RANBP2: variants seen among roughly 807,000 people sequenced by gnomAD.
The protein encoded by RANBP2 is RAN binding protein 2, also known as E3 SUMO-protein ligase RanBP2.
A neutral mutation model predicts 303.6 loss-of-function variants in RANBP2; 57 were observed. That is an observed-to-expected ratio of 0.19 (90% CI 0.15 to 0.23). The LOEUF (loss-of-function observed/expected upper bound fraction) is 0.23, where lower values mean the gene tolerates loss of function less well. Among genes scored for constraint, RANBP2 ranks in the 10% least tolerant of loss-of-function variants. The pLI is 1.00. For missense variants in RANBP2, 3,138 were observed against 3,780.8 expected, an observed-to-expected ratio of 0.83 and a Z score of 4.46; for synonymous variants, 1,167 against 1,301.5, an observed-to-expected ratio of 0.90 and a Z score of 2.23.
chr2:109,031,940 G>A, the RANBP2 span, among the ~76,000 whole-genome samples: 268 of 117,724 alleles, frequency 2.3e-3, 2 homozygotes, highest in African/African-American at 9.0e-3. Flanking sequence ...CACTCTCTTT[G>A]ACCTTTTGCC....
At chr2:109,290,970 G>A in the RANBP2 span, among the ~76,000 whole-genome samples, 1 of 152,258 alleles carries the variant, frequency 6.6e-6, no homozygotes. Flanking sequence ...AATATGCCGG[G>A]TACATAGTAG....
At chr2:109,107,730 C>A in the RANBP2 span, among the ~76,000 whole-genome samples, 2 of 152,124 alleles carry the variant, frequency 1.3e-5, no homozygotes, top group Admixed American at 1.3e-4. Flanking sequence ...GATATTTAAC[C>A]TGCAGCAACT....
the RANBP2 span, among the ~76,000 whole-genome samples, chr2:109,523,808 CT>C: frequency 6.6e-6 from 1 of 152,194 alleles, no homozygotes; most frequent in East Asian, 1.9e-4. Flanking sequence ...AGGCTAATAC[CT>C]CAGAGACTGG....
At chr2:108,791,658 C>T in the RANBP2 span, 1 of 1,599,910 alleles carries the variant, frequency 6.3e-7, no homozygotes. Context: ...TGCTGTGATA[C>T]AATTATTTTT....
the RANBP2 span, among the ~76,000 whole-genome samples, chr2:109,053,395 G>C: frequency 6.6e-6 from 1 of 152,206 alleles, no homozygotes; most frequent in African/African-American, 2.4e-5. Context: ...CTGAGAGAGA[G>C]GAATGGCCTG....
the RANBP2 span, among the ~76,000 whole-genome samples, chr2:109,522,294 CTT>C: frequency 0.047 from 6,670 of 142,836 alleles, 483 homozygotes; most frequent in African/African-American, 0.16. Flanking sequence ...AAAAAAAAAC[CTT>C]TTTTTTTTTT....
the RANBP2 span, among the ~76,000 whole-genome samples, chr2:109,629,235 T>TAAATAAAA: frequency 7.2e-6 from 1 of 138,078 alleles, no homozygotes; most frequent in Non-Finnish European, 1.5e-5. Context: ...AATAAATAAA[T>TAAATAAAA]AAAATGCTTA....
the RANBP2 span, among the ~76,000 whole-genome samples, chr2:109,539,154 T>G: frequency 6.6e-6 from 1 of 151,850 alleles, no homozygotes. Flanking sequence ...AAAAATTAGC[T>G]GAGTGTGGTG....
chr2:109,723,243 C>T, the RANBP2 span, among the ~76,000 whole-genome samples: 40 of 152,312 alleles, frequency 2.6e-4, no homozygotes, highest in Middle Eastern at 3.4e-3. Flanking sequence ...TCTCTGCCTC[C>T]TGGGTTCAAG....
At chr2:108,923,117 G>T in the RANBP2 span, among the ~76,000 whole-genome samples, 1 of 152,178 alleles carries the variant, frequency 6.6e-6, no homozygotes, top group Admixed American at 6.5e-5. Context: ...GCTCATGGAG[G>T]TTAAGTGACT....
At chr2:109,143,837 T>G in the RANBP2 span, among the ~76,000 whole-genome samples, 2 of 151,518 alleles carry the variant, frequency 1.3e-5, no homozygotes, top group Non-Finnish European at 2.9e-5. Flanking sequence ...CACACACGTA[T>G]ATACACAAAC....
At chr2:108,806,469 T>A in the RANBP2 span, among the ~76,000 whole-genome samples, 2 of 152,214 alleles carry the variant, frequency 1.3e-5, no homozygotes, top group African/African-American at 2.4e-5. Context: ...TTTGGCAGAA[T>A]GCTTTTTTAT....
the RANBP2 span, among the ~76,000 whole-genome samples, chr2:109,066,911 G>A: frequency 6.6e-6 from 1 of 152,070 alleles, no homozygotes; most frequent in African/African-American, 2.4e-5. Flanking sequence ...AGATGTCCAG[G>A]GTGCTCTGAC....
the RANBP2 span, among the ~76,000 whole-genome samples, chr2:109,494,266 C>T: frequency 6.6e-6 from 1 of 151,292 alleles, no homozygotes; most frequent in African/African-American, 2.4e-5. Flanking sequence ...TCCATCTAAT[C>T]AGGGGTCATT....
At chr2:109,434,196 C>A in the RANBP2 span, among the ~76,000 whole-genome samples, 1 of 152,236 alleles carries the variant, frequency 6.6e-6, no homozygotes, top group African/African-American at 2.4e-5. Flanking sequence ...TCCAGGAAGG[C>A]GCAGCCTGAG....
At chr2:109,596,954 T>C in the RANBP2 span, among the ~76,000 whole-genome samples, 7 of 152,222 alleles carry the variant, frequency 4.6e-5, no homozygotes, top group South Asian at 1.5e-3. Flanking sequence ...ATTAATTTAG[T>C]TATTTTTAAA....
intron 19 of RANBP2, 21 bp from the exon 20 acceptor site, chr2:108,763,215 GT>G (rs1409466550): frequency 1.9e-6 from 3 of 1,612,148 alleles, no homozygotes; most frequent in Non-Finnish European, 2.5e-6. Flanking sequence ...TCTACAAAAT[GT>G]TTTAACTTTC....
At chr2:108,755,567 T>C (rs556540020) in intron 17 of RANBP2, among the ~76,000 whole-genome samples, 25 of 151,824 alleles carry the variant, frequency 1.6e-4, no homozygotes, top group African/African-American at 5.8e-4. Context: ...CTAATTGTTG[T>C]ATTTTTTATA....
the RANBP2 span, among the ~76,000 whole-genome samples, chr2:109,178,734 TG>T: frequency 2.8e-4 from 42 of 152,212 alleles, 1 homozygote; most frequent in Admixed American, 2.6e-3. Flanking sequence ...CATTTTTAAT[TG>T]GTGTGTCGTG....
Sources: allele counts gnomAD v4.1 joint callset (sites outside exome capture counted in the v4.1 genomes callset), GRCh38; gene constraint gnomAD v4.1.1; transcripts MANE v1.5; gene names NCBI Gene and HGNC (gene_info 2026-07-23, HGNC 2026-07-21).